PHF24: variants seen among roughly 807,000 people sequenced by gnomAD.
PHF24 encodes the protein Galpha inhibitory interacting protein.
Under a neutral mutation model 42.6 loss-of-function variants are expected in PHF24, and 25 were observed. The ratio of observed to expected loss-of-function variants is 0.59; its 90% CI spans 0.43 to 0.82. The LOEUF (loss-of-function observed/expected upper bound fraction) is 0.82, where lower values mean the gene tolerates loss of function less well. Ranked by LOEUF, PHF24 falls within the 40% of genes least tolerant of loss-of-function variation. The pLI is 0.00. For synonymous variants in PHF24, 185 were observed against 204.8 expected, an observed-to-expected ratio of 0.90 and a Z score of 0.83; for missense variants, 470 against 538.1, an observed-to-expected ratio of 0.87 and a Z score of 1.25.
the PHF24 span, among the ~76,000 whole-genome samples, chr9:34,908,925 C>G: frequency 6.7e-6 from 1 of 149,482 alleles, no homozygotes; most frequent in African/African-American, 2.5e-5. Flanking sequence ...TTGGCTCACT[C>G]CAACCTCCAC....
the PHF24 span, among the ~76,000 whole-genome samples, chr9:34,877,738 T>A: frequency 1.3e-5 from 2 of 152,080 alleles, no homozygotes; most frequent in Non-Finnish European, 2.9e-5. Flanking sequence ...GGATTTTTTT[T>A]TATATACTTT....
At chr9:34,685,882 A>T in the PHF24 span, among the ~76,000 whole-genome samples, 2 of 152,286 alleles carry the variant, frequency 1.3e-5, no homozygotes, top group African/African-American at 4.8e-5. Context: ...GTCAACTCAG[A>T]GAAGTGGTAT....
At chr9:34,952,260 C>T in the PHF24 span, among the ~76,000 whole-genome samples, 1 of 152,108 alleles carries the variant, frequency 6.6e-6, no homozygotes, top group African/African-American at 2.4e-5. Context: ...ACCAAGTATA[C>T]GTCTATATAC....
intron 1 of PHF24, among the ~76,000 whole-genome samples, chr9:34,967,960 C>CAGGG (rs988450005): frequency 3.3e-5 from 5 of 152,202 alleles, no homozygotes; most frequent in Non-Finnish European, 5.9e-5. Flanking sequence ...AATCATAGAA[C>CAGGG]AGGGGACCCA....
the PHF24 span, among the ~76,000 whole-genome samples, chr9:34,873,636 C>T: frequency 2.0e-5 from 3 of 151,388 alleles, no homozygotes; most frequent in East Asian, 1.9e-4. Context: ...AGTCAGGTAG[C>T]GTGATGCCTC....
chr9:34,860,872 G>A, the PHF24 span, among the ~76,000 whole-genome samples: 1 of 152,164 alleles, frequency 6.6e-6, no homozygotes, highest in Non-Finnish European at 1.5e-5. Flanking sequence ...TGCACAAACT[G>A]GACAATAAGC....
At chr9:34,976,196 C>G in exon 4 of PHF24, 1 of 1,614,136 alleles carries the variant, frequency 6.2e-7, no homozygotes, top group Non-Finnish European at 8.5e-7. Context: ...TGTATAGCCT[C>G]ACGGAGACCT....
chr9:34,883,908 A>T, the PHF24 span, among the ~76,000 whole-genome samples: 1 of 152,238 alleles, frequency 6.6e-6, no homozygotes, highest in Non-Finnish European at 1.5e-5. Flanking sequence ...ATAAAGACAC[A>T]TGCACACGTA....
At chr9:34,839,763 G>T in the PHF24 span, among the ~76,000 whole-genome samples, 1 of 152,100 alleles carries the variant, frequency 6.6e-6, no homozygotes, top group Non-Finnish European at 1.5e-5. Context: ...ATCTAGTTTC[G>T]AAGACAAGAC....
the PHF24 span, among the ~76,000 whole-genome samples, chr9:34,751,703 T>G: frequency 1.2e-4 from 19 of 152,156 alleles, no homozygotes; most frequent in African/African-American, 4.3e-4. Flanking sequence ...CAAATGGACC[T>G]CTAATGGATA....
intron 1 of PHF24, among the ~76,000 whole-genome samples, chr9:34,970,701 G>C (rs1052663336): frequency 2.0e-5 from 3 of 152,160 alleles, no homozygotes; most frequent in Middle Eastern, 3.2e-3. Context: ...CTTCTTGCAG[G>C]GTAGAGGAGA....
chr9:34,907,106 T>A, the PHF24 span, among the ~76,000 whole-genome samples: 2 of 152,180 alleles, frequency 1.3e-5, no homozygotes, highest in South Asian at 2.1e-4. Flanking sequence ...GGACTACAGT[T>A]GTGAGCCACT....
intron 1 of PHF24, among the ~76,000 whole-genome samples, chr9:34,962,191 T>C (rs758321047): frequency 6.6e-6 from 1 of 152,252 alleles, no homozygotes; most frequent in African/African-American, 2.4e-5. Flanking sequence ...ATTTTAAGCA[T>C]ACTATCTCAA....
At chr9:34,895,147 A>C in the PHF24 span, 1 of 398,506 alleles carries the variant, frequency 2.5e-6, no homozygotes, top group Non-Finnish European at 4.4e-6. Flanking sequence ...TCTAAAATGA[A>C]ACAAAACTCA....
At chr9:34,932,668 A>G in the PHF24 span, among the ~76,000 whole-genome samples, 1 of 152,126 alleles carries the variant, frequency 6.6e-6, no homozygotes, top group Admixed American at 6.5e-5. Context: ...GTATGGTGTT[A>G]CTACTTGTAT....
intron 1 of PHF24, among the ~76,000 whole-genome samples, chr9:34,962,261 A>G (rs570823696): frequency 5.3e-5 from 8 of 152,230 alleles, no homozygotes; most frequent in East Asian, 1.9e-4. Context: ...GCCTATTTCT[A>G]TCTAGCCCCC....
the PHF24 span, chr9:34,917,221 T>G: frequency 1.1e-5 from 16 of 1,410,574 alleles, no homozygotes; most frequent in Non-Finnish European, 1.6e-5. Context: ...ATCAAGCAGG[T>G]GTACATATCC....
At chr9:34,712,455 G>A in the PHF24 span, among the ~76,000 whole-genome samples, 5 of 151,780 alleles carry the variant, frequency 3.3e-5, no homozygotes, top group Admixed American at 1.3e-4. Flanking sequence ...CCTGAGGCTC[G>A]TTTATTTTTC....
the PHF24 span, among the ~76,000 whole-genome samples, chr9:34,903,787 A>T: frequency 6.6e-6 from 1 of 152,054 alleles, no homozygotes; most frequent in African/African-American, 2.4e-5. Flanking sequence ...CATTTTCACA[A>T]TATTGATTCT....
Sources: allele counts gnomAD v4.1 joint callset (sites outside exome capture counted in the v4.1 genomes callset), GRCh38; gene constraint gnomAD v4.1.1; transcripts MANE v1.5; gene names NCBI Gene and HGNC (gene_info 2026-07-23, HGNC 2026-07-21).